Variants in TDRD7 observed in about 807,000 individuals in gnomAD.
TDRD7 encodes tudor domain-containing protein 7.
A neutral mutation model predicts 109.8 loss-of-function variants in TDRD7; 47 were observed. The ratio of observed to expected loss-of-function variants is 0.43; its 90% CI spans 0.34 to 0.55. The LOEUF (loss-of-function observed/expected upper bound fraction) is 0.55. Ranked by LOEUF, TDRD7 falls within the 20% of genes least tolerant of loss-of-function variation. TDRD7 has a pLI of 0.03. For synonymous variants in TDRD7, 424 were observed against 457.3 expected (o/e 0.93, Z 0.93); for missense variants, 1,164 against 1,319.2 (o/e 0.88, Z 1.82).
chr9:97,474,451 T>A (rs879063403), intron 11 of TDRD7, among the ~76,000 whole-genome samples: 4 of 152,328 alleles, frequency 2.6e-5, no homozygotes, highest in Non-Finnish European at 4.4e-5. Context: ...CTAGACCGTA[T>A]GCTTCTTGAG....
At chr9:97,488,443 C>T (rs938001811) in intron 16 of TDRD7, among the ~76,000 whole-genome samples, 1 of 152,080 alleles carries the variant, frequency 6.6e-6, no homozygotes, top group African/African-American at 2.4e-5. Flanking sequence ...TGTCTTCCTA[C>T]TAGAATTCAA....
At chr9:97,487,755 TC>T (rs1829236609) in intron 16 of TDRD7, among the ~76,000 whole-genome samples, 1 of 152,104 alleles carries the variant, frequency 6.6e-6, no homozygotes. Context: ...TATTGTAATA[TC>T]AAGAAAAACC....
intron 6 of TDRD7, among the ~76,000 whole-genome samples, chr9:97,443,847 T>C (rs16920397): frequency 0.46 from 69,976 of 152,088 alleles, 16,142 homozygotes; most frequent in Admixed American, 0.52. Flanking sequence ...ATATAACTCA[T>C]TTTTAAGCTC....
chr9:97,458,977 G>A (rs763787147), intron 6 of TDRD7, among the ~76,000 whole-genome samples: 2 of 152,124 alleles, frequency 1.3e-5, no homozygotes, highest in Admixed American at 6.5e-5. Context: ...CTGTTCTTCT[G>A]GGTGGACCAT....
chr9:97,439,823 G>T (rs973823618), intron 5 of TDRD7, among the ~76,000 whole-genome samples: 1 of 152,132 alleles, frequency 6.6e-6, no homozygotes, highest in Non-Finnish European at 1.5e-5. Flanking sequence ...ATCCAAGTGG[G>T]CTGTTAGGAA....
intron 1 of TDRD7, among the ~76,000 whole-genome samples, chr9:97,425,636 T>C (rs1368746755): frequency 1.3e-5 from 2 of 152,016 alleles, no homozygotes. Context: ...CACACACACA[T>C]CTGTGAAAAG....
rs539906127 is a variant in TDRD7, at chr9:97,450,910, T to A, written c.855+9035T>A. Among the ~76,000 whole-genome samples the A allele has an allele frequency of 2.2e-4, 33 of 152,020 alleles. No homozygotes were observed. In the South Asian group the frequency reaches 5.0e-3, roughly 23 times the overall value. On this transcript the variant is annotated intron_variant, in intron 6 of 16. Transcript: ENST00000355295. ...TGACTCTCCAAAGTTAGGTCTCTTT[T>A]TTTTTTTTTTTAAACTAATGAGTGA...
intron 8 of TDRD7, among the ~76,000 whole-genome samples, chr9:97,467,817 A>G (rs1024237767): frequency 5.9e-5 from 9 of 152,232 alleles, no homozygotes; most frequent in African/African-American, 1.7e-4. Flanking sequence ...TGGCTGTTGT[A>G]ATAGCCAGCT....
At chr9:97,471,504 T>G (rs1316052369) in intron 9 of TDRD7, among the ~76,000 whole-genome samples, 1 of 152,140 alleles carries the variant, frequency 6.6e-6, no homozygotes, top group African/African-American at 2.4e-5. Flanking sequence ...TTTAGGGTGT[T>G]GAAATTAAAT....
chr9:97,423,203 T>C (rs900996658), intron 1 of TDRD7, among the ~76,000 whole-genome samples: 1 of 152,334 alleles, frequency 6.6e-6, no homozygotes, highest in South Asian at 2.1e-4. Flanking sequence ...AATTCTCTAA[T>C]AGCTATAGGG....
At chr9:97,428,702 A>G (rs758261487) in intron 2 of TDRD7, 30 bp downstream of exon 2, 1 of 1,601,786 alleles carries the variant, frequency 6.2e-7, no homozygotes, top group Non-Finnish European at 8.5e-7. Flanking sequence ...TGTCAGAAGA[A>G]TCAAACCAAT....
chr9:97,461,242 T>G (rs1828719593), intron 7 of TDRD7, among the ~76,000 whole-genome samples: 1 of 152,184 alleles, frequency 6.6e-6, no homozygotes, highest in Non-Finnish European at 1.5e-5. Context: ...ACAGCTATCC[T>G]AAGACTACTA....
chr9:97,475,233 A>G (rs1443694713), intron 11 of TDRD7, 150 bp from the exon 12 acceptor site: 5 of 705,610 alleles, frequency 7.1e-6, no homozygotes, highest in South Asian at 1.5e-5. Context: ...CAAAAGTTTT[A>G]TAACCCTGTG....
intron 16 of TDRD7, among the ~76,000 whole-genome samples, chr9:97,488,231 A>C (rs764236018): frequency 1.3e-5 from 2 of 152,220 alleles, no homozygotes; most frequent in Non-Finnish European, 2.9e-5. Context: ...TGAGGCCCAA[A>C]GAGTTGAGGG....
intron 6 of TDRD7, among the ~76,000 whole-genome samples, chr9:97,443,593 C>T (rs867360491): frequency 6.6e-6 from 1 of 152,188 alleles, no homozygotes; most frequent in Non-Finnish European, 1.5e-5. Flanking sequence ...GGTTTAGTGA[C>T]ATTGAGGTAT....
At chr9:97,452,295 A>C (rs781638715) in intron 6 of TDRD7, among the ~76,000 whole-genome samples, 42 of 152,358 alleles carry the variant, frequency 2.8e-4, no homozygotes, top group Non-Finnish European at 4.8e-4. Context: ...CATATCACTA[A>C]ATTTATCTGT....
intron 4 of TDRD7, 81 bp from the exon 5 acceptor site, chr9:97,439,164 A>G: frequency 9.4e-7 from 1 of 1,068,852 alleles, no homozygotes; most frequent in South Asian, 1.7e-5. Context: ...TGAGACTTTA[A>G]ATGAAAAGTG....
chr9:97,434,898 G>A (rs1421802646), intron 4 of TDRD7, among the ~76,000 whole-genome samples: 1 of 152,100 alleles, frequency 6.6e-6, no homozygotes, highest in Admixed American at 6.6e-5. Context: ...CATGCTGAGT[G>A]AAAGAAGCCA....
intron 12 of TDRD7, among the ~76,000 whole-genome samples, chr9:97,477,483 A>T (rs941988684): frequency 6.6e-6 from 1 of 152,112 alleles, no homozygotes; most frequent in African/African-American, 2.4e-5. Flanking sequence ...TCATGTTTAA[A>T]TTTAGGTTAT....
Sources: gnomAD v4.1 joint callset for allele counts (sites outside exome capture counted in the v4.1 genomes callset) on GRCh38, gnomAD v4.1.1 for gene constraint, MANE v1.5 for transcripts, NCBI Gene and HGNC (gene_info 2026-07-23, HGNC 2026-07-21) for gene names.